The following FBXL20 variants were observed in gnomAD, a reference collection of about 807,000 sequenced individuals.
The protein encoded by FBXL20 is F-box/LRR-repeat protein 20.
In FBXL20, 11 loss-of-function variants were observed where a neutral mutation model predicts 64.0. The observed-to-expected ratio is 0.17, with a 90% CI of 0.11 to 0.28. The LOEUF is 0.28. Ranked by LOEUF, FBXL20 falls within the 10% of genes least tolerant of loss-of-function variation. FBXL20 has a pLI of 1.00. For synonymous variants in FBXL20, 184 were observed against 189.0 expected (o/e 0.97, Z 0.22); for missense variants, 303 against 526.2 (o/e 0.58, Z 4.15).
intron 2 of FBXL20, among the ~76,000 whole-genome samples, chr17:39,339,648 T>G (rs1306142495): frequency 1.5e-5 from 2 of 136,676 alleles, no homozygotes; most frequent in Non-Finnish European, 3.0e-5. Context: ...TGTAGATTAG[T>G]TCACAGAACT....
At position 39,260,027 on chromosome 17, in the gene FBXL20, A is replaced by AG. The variant is rs1345226090; in HGVS notation, c.*1432_*1433insC. 1.3e-5 allele frequency: 2 copies of AG among 150,116 alleles called. No individual in the cohort carries two copies. The highest frequency in any genetic ancestry group is 3.0e-5 in the Non-Finnish European group (2 of 67,618). 9.3% of individuals were successfully genotyped at this position (150,116 alleles called of 1,614,324 possible). The stretch of plus-strand genomic sequence containing the variant: ...AAAAAGACTGGGGCAGAAAAGAGAG[A>AG]TGACTGACAGGTTATGGGAAGGTTC... On this transcript the variant is annotated 3_prime_UTR_variant, in exon 15 of 15. Transcript: ENST00000264658.
At chr17:39,366,356 C>G (rs894709887) in intron 1 of FBXL20, among the ~76,000 whole-genome samples, 1 of 152,122 alleles carries the variant, frequency 6.6e-6, no homozygotes, top group Non-Finnish European at 1.5e-5. Context: ...TCCATATGCT[C>G]AAATGCATCA....
At chr17:39,340,651 G>C (rs968802993) in intron 2 of FBXL20, among the ~76,000 whole-genome samples, 1 of 151,838 alleles carries the variant, frequency 6.6e-6, no homozygotes, top group East Asian at 1.9e-4. Context: ...AGAACTTTTT[G>C]TTTAAGTATG....
chr17:39,363,275 A>G (rs997259075), intron 1 of FBXL20, among the ~76,000 whole-genome samples: 2 of 151,912 alleles, frequency 1.3e-5, no homozygotes, highest in Non-Finnish European at 2.9e-5. Context: ...GGGCCTCCCA[A>G]AGTGCTGGGA....
chr17:39,329,045 T>A (rs2047436091), intron 2 of FBXL20, among the ~76,000 whole-genome samples: 1 of 152,146 alleles, frequency 6.6e-6, no homozygotes, highest in African/African-American at 2.4e-5. Context: ...AGAGCAAGAC[T>A]CTGTCAAAAA....
At chr17:39,325,011 C>A (rs1051043206) in intron 2 of FBXL20, among the ~76,000 whole-genome samples, 1 of 152,158 alleles carries the variant, frequency 6.6e-6, no homozygotes, top group African/African-American at 2.4e-5. Flanking sequence ...GTTCTGAGAC[C>A]AGCCTGGAGA....
chr17:39,378,891 G>A (rs537453419), intron 1 of FBXL20, among the ~76,000 whole-genome samples: 35 of 150,946 alleles, frequency 2.3e-4, no homozygotes, highest in African/African-American at 8.2e-4. Context: ...GATTACAGGC[G>A]TGAGCCACCG....
intron 9 of FBXL20, among the ~76,000 whole-genome samples, chr17:39,278,737 T>TG (rs72538182): frequency 1 from 150,283 of 150,288 alleles, 75,139 homozygotes; most frequent in Non-Finnish European, 1. Context: ...TTAGTGGAGA[T>TG]GGGTTTCACC....
Position 39,264,313 on chromosome 17 carries a change from C to T in FBXL20, c.1065G>A (p.Gln355=), listed in dbSNP as rs1223631311. 1 of 1,614,064 alleles carries T rather than the reference C, an allele frequency of 6.2e-7. No homozygotes were observed. The highest frequency in any genetic ancestry group is 1.3e-5 in the African/African-American group (1 of 74,934). The change falls in exon 14 of 15, where the codon CAG becomes CAA. Residue 355 remains glutamine (Q), a synonymous_variant. Transcript: ENST00000264658. The part of the protein sequence containing the change: ...HLGNGACAHD[Q]LEVIELDNCP... ...AGTTGTCCAGCTCAATCACCTCCAG[C>T]TGGTCATGGGCGCAGGCCCCATTCC...
At chr17:39,309,305 A>G (rs922042084) in intron 2 of FBXL20, among the ~76,000 whole-genome samples, 3 of 152,206 alleles carry the variant, frequency 2.0e-5, no homozygotes, top group Non-Finnish European at 4.4e-5. Flanking sequence ...TCTATAATTC[A>G]GACTGAGTCC....
chr17:39,400,733 T>C (rs1008643210), intron 1 of FBXL20, among the ~76,000 whole-genome samples: 11 of 152,152 alleles, frequency 7.2e-5, no homozygotes, highest in Admixed American at 5.9e-4. Context: ...TGCTGAACTT[T>C]CGTCCCAATC....
rs1381783857 is a variant in FBXL20 at position 39,255,148 on chromosome 17, A to G, written c.*6312T>C. 1 of 152,284 alleles carries G rather than the reference A, an allele frequency of 6.6e-6. No individual in the cohort carries two copies. The highest frequency in any genetic ancestry group is 2.4e-5 in the African/African-American group (1 of 41,464). The allele number at this position is 152,284 out of a possible 1,614,324, so 9.4% of individuals were successfully genotyped here. ...GAATTGATGCGTCTAAAAAAAATAG[A>G]TACAACGGGCCGGGCGCGGTGGCTC... On this transcript the variant is annotated 3_prime_UTR_variant, in exon 15 of 15. Transcript: ENST00000264658.
intron 1 of FBXL20, among the ~76,000 whole-genome samples, chr17:39,391,981 A>G (rs1226035889): frequency 1.3e-5 from 2 of 151,774 alleles, no homozygotes; most frequent in Non-Finnish European, 2.9e-5. Context: ...GTCTCTACTA[A>G]AAATAGGAAA....
chr17:39,323,615 G>A (rs2047378915), intron 2 of FBXL20, among the ~76,000 whole-genome samples: 1 of 151,944 alleles, frequency 6.6e-6, no homozygotes, highest in African/African-American at 2.4e-5. Context: ...GAATACTACT[G>A]ACTTAATTGT....
chr17:39,281,237 C>CA, intron 9 of FBXL20, 152 bp downstream of exon 9: 1 of 646,446 alleles, frequency 1.5e-6, no homozygotes, highest in Admixed American at 3.0e-5. Flanking sequence ...TATTGTTAAG[C>CA]ACGTCAAAAG....
intron 1 of FBXL20, among the ~76,000 whole-genome samples, chr17:39,362,765 C>G (rs1212618929): frequency 6.8e-6 from 1 of 146,874 alleles, no homozygotes; most frequent in East Asian, 2.1e-4. Flanking sequence ...TACAGGCATG[C>G]GCCACCACAC....
intron 1 of FBXL20, among the ~76,000 whole-genome samples, chr17:39,354,402 C>G (rs2047716475): frequency 6.6e-6 from 1 of 152,164 alleles, no homozygotes; most frequent in Non-Finnish European, 1.5e-5. Flanking sequence ...ATTCCATGTC[C>G]TTCTCAATCT....
intron 10 of FBXL20, among the ~76,000 whole-genome samples, chr17:39,272,751 A>G (rs556779648): frequency 6.6e-6 from 1 of 152,066 alleles, no homozygotes; most frequent in South Asian, 2.1e-4. Context: ...AGAAAAAGAA[A>G]GAAAGAAATG....
Position 39,253,385 on chromosome 17 carries a change from G to A in FBXL20, c.*8075C>T, listed in dbSNP as rs2046667670. On this transcript the variant is annotated 3_prime_UTR_variant, in exon 15 of 15. Transcript: ENST00000264658. ...AATTCCTAGGAGAAAAAAGGAGGAGGCCAGAGTAGGAAGCATCTGAAGGCC... is the reference window on the plus strand; with the variant it reads ...AATTCCTAGGAGAAAAAAGGAGGAGACCAGAGTAGGAAGCATCTGAAGGCC... 6.6e-6 allele frequency: 1 copy of A among 152,358 alleles called. No homozygotes were observed. The highest frequency in any genetic ancestry group is 2.4e-5 in the African/African-American group (1 of 41,438). The allele number at this position is 152,358 out of a possible 1,614,324, so 9.4% of individuals were successfully genotyped here.
Sources: allele counts gnomAD v4.1 joint callset (sites outside exome capture counted in the v4.1 genomes callset), GRCh38; gene constraint gnomAD v4.1.1; transcripts MANE v1.5; gene names NCBI Gene and HGNC (gene_info 2026-07-23, HGNC 2026-07-21).